Variants in CD109 observed in about 807,000 individuals in gnomAD.
The protein encoded by CD109 is CD109 antigen.
CD109 carries 149 observed loss-of-function variants against 165.8 expected under a neutral mutation model. That is an observed-to-expected ratio of 0.90 (90% CI 0.79 to 1.03). The LOEUF is 1.03. Among genes scored for constraint, CD109 ranks in the 50% least tolerant of loss-of-function variants. CD109 has a pLI of 0.00. For synonymous variants in CD109, 585 were observed against 592.1 expected, an observed-to-expected ratio of 0.99 and a Z score of 0.18; for missense variants, 1,712 against 1,677.8, an observed-to-expected ratio of 1.02 and a Z score of -0.36.
chr6:73,814,868 A>C (rs1260573315), intron 29 of CD109, 113 bp from the exon 30 acceptor site: 3 of 607,970 alleles, frequency 4.9e-6, no homozygotes, highest in Non-Finnish European at 7.4e-6. Context: ...TTTGAAGATT[A>C]AAAATCTTAC....
intron 21 of CD109, 90 bp from the exon 22 acceptor site, chr6:73,788,378 C>T: frequency 9.0e-7 from 1 of 1,112,120 alleles, no homozygotes; most frequent in Non-Finnish European, 1.3e-6. Flanking sequence ...TCAGACACAA[C>T]AGGTCAGATG....
In CD109 at chr6:73,826,586, A is replaced by T. The variant is rs529956280; in HGVS notation, c.*2953A>T. On this transcript the variant is annotated 3_prime_UTR_variant, in exon 33 of 33. Transcript: ENST00000287097. ...AAAAGAAATTCAAGCCCATTAAAATATGTCTGGTCAATGAAATGCTTCCTT... is the reference window on the plus strand; with the variant it reads ...AAAAGAAATTCAAGCCCATTAAAATTTGTCTGGTCAATGAAATGCTTCCTT... 2 of 152,340 alleles carry T rather than the reference A, an allele frequency of 1.3e-5. No individual in the cohort carries two copies. Among genetic ancestry groups the T allele is most frequent in the Admixed American group, 6.5e-5 (1 of 15,302 alleles). The allele number at this position is 152,340 out of a possible 1,614,324, so 9.4% of individuals were successfully genotyped here.
chr6:73,822,904 T>G (rs1353752446), intron 32 of CD109, among the ~76,000 whole-genome samples: 1 of 151,360 alleles, frequency 6.6e-6, no homozygotes, highest in Non-Finnish European at 1.5e-5. Flanking sequence ...GTGAGTTCAC[T>G]GTGGTGTTAT....
At chr6:73,697,256 A>G in intron 1 of CD109, 144 bp from the exon 2 acceptor site, 2 of 646,100 alleles carry the variant, frequency 3.1e-6, no homozygotes, top group South Asian at 2.0e-5. Flanking sequence ...TCAGTTGCCA[A>G]ATAGAGCAGT....
At chr6:73,784,037 G>C (rs139727903) in intron 19 of CD109, among the ~76,000 whole-genome samples, 2 of 152,088 alleles carry the variant, frequency 1.3e-5, no homozygotes, top group Non-Finnish European at 2.9e-5. Flanking sequence ...TCCGTATTAA[G>C]ATTTGGGTAG....
intron 23 of CD109, among the ~76,000 whole-genome samples, chr6:73,796,757 C>G (rs765909765): frequency 1.3e-5 from 2 of 152,178 alleles, no homozygotes; most frequent in Non-Finnish European, 2.9e-5. Context: ...ATGATGATCT[C>G]TGGGCACTAA....
chr6:73,781,835 A>ACACACACAC (rs150665697), intron 17 of CD109, among the ~76,000 whole-genome samples: 49 of 144,418 alleles, frequency 3.4e-4, no homozygotes, highest in Non-Finnish European at 6.2e-4. Context: ...ACACACACAC[A>ACACACACAC]CCCCTCATCA....
rs1033840823 is a variant in CD109, at chr6:73,827,127, T to G, written c.*3494T>G. Reference sequence around the variant, plus strand: ...CCTTACTTTTTCTGATTTGCTTTATTGAATGATTGAATACTCATTTCTTTC... The same window carrying G: ...CCTTACTTTTTCTGATTTGCTTTATGGAATGATTGAATACTCATTTCTTTC... On this transcript the variant is annotated 3_prime_UTR_variant, in exon 33 of 33. Transcript: ENST00000287097. 9.2e-5 allele frequency: 14 copies of G among 152,236 alleles called. No homozygotes were observed. Among genetic ancestry groups the G allele is most frequent in the Non-Finnish European group, 1.5e-4 (10 of 68,034 alleles). 9.4% of individuals were successfully genotyped at this position (152,236 alleles called of 1,614,324 possible).
In CD109 at chr6:73,723,279, A is replaced by G. The variant is rs944346272; in HGVS notation, c.276A>G (p.Ser92=). 6.2e-7 allele frequency: 1 copy of G among 1,611,192 alleles called. No homozygotes were observed. Among genetic ancestry groups the G allele is most frequent in the African/African-American group, 1.3e-5 (1 of 74,922 alleles). ...KGSFKTLTLP[S]LPLNSADEIY... is the part of the protein sequence containing the mutation. ...CTTTTAAGACACTTACTCTTCCATC[A>G]GTAAGTATCCATTTAAAAAATTTGG... Residue 92 remains serine, a splice_region_variant and synonymous_variant, in exon 3 of 33, where the codon TCA becomes TCG. Coordinates refer to ENST00000287097, the MANE Select transcript of CD109 (RefSeq NM_133493.5).
intron 5 of CD109, among the ~76,000 whole-genome samples, chr6:73,742,615 A>G (rs1402550874): frequency 6.6e-6 from 1 of 152,264 alleles, no homozygotes; most frequent in African/African-American, 2.4e-5. Flanking sequence ...GCCCGAAAGA[A>G]GAGCCTGAGT....
intron 10 of CD109, 21 bp from the exon 11 acceptor site, chr6:73,765,908 GA>G: frequency 6.6e-7 from 1 of 1,515,712 alleles, no homozygotes; most frequent in South Asian, 1.1e-5. Context: ...GTGTTTTTAA[GA>G]TGTTTTGTTT....
intron 23 of CD109, among the ~76,000 whole-genome samples, chr6:73,795,996 G>A (rs11757360): frequency 0.54 from 82,073 of 151,896 alleles, 22,662 homozygotes; most frequent in African/African-American, 0.65. Flanking sequence ...CCTCTAACTA[G>A]GGAGTTAGAG....
chr6:73,763,582 C>G lies in CD109; in HGVS notation c.1004C>G (p.Ser335Ter). Residue 335 changes from serine (S) to a stop codon, truncating the protein, a stop_gained, in exon 10 of 33, where the codon TCA (serine) becomes TGA (stop). Coordinates refer to ENST00000287097, the MANE Select transcript of CD109 (RefSeq NM_133493.5). LOFTEE classifies it high-confidence loss of function. ...TGTGCAATTTCCAAAAAAGGTATTT[C>G]AAGAAATGTAAGCACTAATGTGTTC... ...TTVTESVTGI[S>*]RNVSTNVFFK... The G allele has an allele frequency of 6.5e-7, 1 of 1,548,012 alleles. No homozygotes were observed. Among genetic ancestry groups the G allele is most frequent in the Non-Finnish European group, 8.8e-7 (1 of 1,137,732 alleles).
the CD109 span, among the ~76,000 whole-genome samples, chr6:73,690,301 T>G: frequency 1.3e-5 from 2 of 152,232 alleles, no homozygotes; most frequent in Non-Finnish European, 2.9e-5. Flanking sequence ...TAAAGTAACT[T>G]CCTAAAATGA....
At chr6:73,684,150 C>A in the CD109 span, among the ~76,000 whole-genome samples, 1 of 151,698 alleles carries the variant, frequency 6.6e-6, no homozygotes, top group Non-Finnish European at 1.5e-5. Context: ...ATTGCTGGAT[C>A]ATACAGTAGT....
chr6:73,756,465 G>A (rs1773394541), intron 5 of CD109, among the ~76,000 whole-genome samples, 178 bp from the exon 6 acceptor site: 1 of 152,172 alleles, frequency 6.6e-6, no homozygotes, highest in Non-Finnish European at 1.5e-5. Flanking sequence ...CAGGCTTCAT[G>A]TTGCAGTTGT....
At chr6:73,754,554 A>G (rs1773312608) in intron 5 of CD109, among the ~76,000 whole-genome samples, 2 of 152,226 alleles carry the variant, frequency 1.3e-5, no homozygotes, top group East Asian at 3.8e-4. Context: ...TAAACAAATG[A>G]TGACCTAAAA....
chr6:73,809,405 T>A (rs1242286921), intron 26 of CD109, among the ~76,000 whole-genome samples: 1 of 152,138 alleles, frequency 6.6e-6, no homozygotes, highest in Non-Finnish European at 1.5e-5. Context: ...ACGTGCATTA[T>A]CTTCTGAAAT....
At chr6:73,723,401 G>C in intron 3 of CD109, 122 bp downstream of exon 3, 3 of 789,830 alleles carry the variant, frequency 3.8e-6, no homozygotes, top group Non-Finnish European at 6.3e-6. Context: ...AGTTTGGCTT[G>C]AGTTTAGTTC....
Sources: allele counts gnomAD v4.1 joint callset (sites outside exome capture counted in the v4.1 genomes callset), GRCh38; gene constraint gnomAD v4.1.1; transcripts MANE v1.5; gene names NCBI Gene and HGNC (gene_info 2026-07-23, HGNC 2026-07-21).